The following SLC20A2 variants were observed in gnomAD, a reference collection of about 807,000 sequenced individuals.
SLC20A2 encodes sodium-dependent phosphate transporter 2.
SLC20A2 carries 30 observed loss-of-function variants against 61.0 expected under a neutral mutation model. The observed-to-expected ratio is 0.49, with a 90% CI of 0.37 to 0.67. The LOEUF is 0.67. Ranked by LOEUF, SLC20A2 falls within the 30% of genes least tolerant of loss-of-function variation. SLC20A2 has a pLI of 0.00. For missense variants in SLC20A2, 626 were observed against 866.4 expected (o/e 0.72, Z 3.48); for synonymous variants, 351 against 353.3 (o/e 0.99, Z 0.07).
intron 10 of SLC20A2, chr8:42,419,570 T>A (rs959366136): frequency 4.3e-6 from 1 of 230,326 alleles, no homozygotes; most frequent in Non-Finnish European, 7.2e-6. Context: ...AAATAAAAAA[T>A]AAATAAAATA....
At chr8:42,449,682 G>A (rs1159030431) in intron 5 of SLC20A2, among the ~76,000 whole-genome samples, 3 of 152,024 alleles carry the variant, frequency 2.0e-5, no homozygotes, top group Non-Finnish European at 4.4e-5. Flanking sequence ...AATAATCCAT[G>A]CTTATCGTAA....
chr8:42,454,829 T>C (rs79247758), intron 5 of SLC20A2, among the ~76,000 whole-genome samples: 10,263 of 152,096 alleles, frequency 0.067, 1,111 homozygotes, highest in African/African-American at 0.23. Context: ...CTCAGCCTTC[T>C]TAAGTGCTGG....
At chr8:42,484,667 C>A in intron 1 of SLC20A2, 1 of 365,100 alleles carries the variant, frequency 2.7e-6, no homozygotes, top group South Asian at 2.7e-5. Context: ...ATGGTGTCCC[C>A]TGACAGATCC....
intron 5 of SLC20A2, among the ~76,000 whole-genome samples, chr8:42,449,545 A>G (rs1448173430): frequency 1.3e-5 from 2 of 152,212 alleles, no homozygotes; most frequent in Non-Finnish European, 2.9e-5. Context: ...GGATCTATAA[A>G]CAAATAAAAC....
At chr8:42,459,252 A>AC (rs1806505595) in intron 5 of SLC20A2, among the ~76,000 whole-genome samples, 1 of 151,282 alleles carries the variant, frequency 6.6e-6, no homozygotes. Flanking sequence ...AAAAAAAAAA[A>AC]AAAAAAACAT....
At chr8:42,452,738 G>A (rs1056789796) in intron 5 of SLC20A2, among the ~76,000 whole-genome samples, 1 of 151,862 alleles carries the variant, frequency 6.6e-6, no homozygotes, top group Non-Finnish European at 1.5e-5. Flanking sequence ...GGGGGAGGAG[G>A]CCGCAGGAGG....
At chr8:42,495,864 C>T (rs1476499123) in intron 1 of SLC20A2, among the ~76,000 whole-genome samples, 1 of 152,080 alleles carries the variant, frequency 6.6e-6, no homozygotes, top group Non-Finnish European at 1.5e-5. Flanking sequence ...ATTCTCCTGC[C>T]TCAGCCTCCC....
intron 7 of SLC20A2, among the ~76,000 whole-genome samples, chr8:42,438,084 A>C (rs1472896298): frequency 6.0e-5 from 9 of 150,344 alleles, no homozygotes; most frequent in Admixed American, 2.0e-4. Context: ...AAAAAAAAAA[A>C]AAAAACATGG....
chr8:42,417,407 C>T lies in SLC20A2; in HGVS notation c.*396G>A, dbSNP rs554905879. ...CAATCTACACTTTCCTTTTAGAAGG[C>T]TTAACATTTGCCATCGAAATAGTTA... On this transcript the variant is annotated 3_prime_UTR_variant, in exon 11 of 11. Transcript: ENST00000520262. 2 of 159,220 alleles carry T rather than the reference C, an allele frequency of 1.3e-5. No homozygotes were observed. The highest frequency in any genetic ancestry group is 3.5e-4 in the East Asian group (2 of 5,792). The allele number at this position is 159,220 out of a possible 1,614,324, so 9.9% of individuals were successfully genotyped here.
chr8:42,489,479 C>T (rs1246604974), intron 1 of SLC20A2, among the ~76,000 whole-genome samples: 3 of 124,818 alleles, frequency 2.4e-5, no homozygotes, highest in Non-Finnish European at 4.8e-5. Context: ...AGTTTCTTTA[C>T]ATGTCTTATA....
At chr8:42,486,889 C>CA (rs1411754965) in intron 1 of SLC20A2, among the ~76,000 whole-genome samples, 1 of 151,842 alleles carries the variant, frequency 6.6e-6, no homozygotes, top group Non-Finnish European at 1.5e-5. Context: ...TTTTTTGAGA[C>CA]AGAGTCTCGC....
chr8:42,460,581 T>G (rs1357054782), intron 4 of SLC20A2, among the ~76,000 whole-genome samples: 1 of 152,252 alleles, frequency 6.6e-6, no homozygotes, highest in African/African-American at 2.4e-5. Context: ...CTTCGACTAT[T>G]AGAAGTTAAA....
At chr8:42,427,960 C>A (rs778215951) in intron 10 of SLC20A2, among the ~76,000 whole-genome samples, 3 of 152,154 alleles carry the variant, frequency 2.0e-5, no homozygotes, top group African/African-American at 7.2e-5. Context: ...AAGTGACTTT[C>A]GCTTTGTTGA....
Position 42,435,786 on chromosome 8 carries a change from C to T in SLC20A2, c.1523+1203G>A, listed in dbSNP as rs531250664. 4.6e-5 allele frequency among the ~76,000 whole-genome samples: 7 copies of T among 152,244 alleles called. No homozygotes were observed. The South Asian group carries it at 8.3e-4, about 18-fold the overall frequency. On this transcript the variant is annotated intron_variant, in intron 8 of 10. Transcript: ENST00000520262. ...GTGCAGTGGGGAGAACTAGGGCCCA[C>T]GAGTGGGACGGAGCCTTCTCACTGG... is the stretch of plus-strand genomic sequence containing the variant.
Position 42,463,082 on chromosome 8 carries a change from A to G in SLC20A2, c.439T>C (p.Trp147Arg). The part of the protein sequence containing the change: ...WMELVKIVAS[W>R]FISPLLSGFM... Reference sequence around the variant, plus strand: ...CCAGACAACAGTGGAGATATAAACCAAGAAGCAACTGAATAATTAAAAAAA... The same window carrying G: ...CCAGACAACAGTGGAGATATAAACCGAGAAGCAACTGAATAATTAAAAAAA... The change falls in exon 4 of 11, where the codon TGG (tryptophan) becomes CGG (arginine). Residue 147 changes from tryptophan to arginine, a missense_variant. Physicochemically the swap from Trp to Arg is moderately radical, Grantham distance 101 (BLOSUM62 -3). This residue lies in a region of SLC20A2 where 127 missense variants were observed against 215.4 expected (regional missense o/e 0.59). Coordinates refer to ENST00000520262, the MANE Select transcript of SLC20A2 (RefSeq NM_001257180.2). 1 of 1,581,054 alleles carries G rather than the reference A, an allele frequency of 6.3e-7. No individual in the cohort carries two copies.
chr8:42,512,402 G>A (rs1411814374), intron 1 of SLC20A2, among the ~76,000 whole-genome samples: 2 of 150,656 alleles, frequency 1.3e-5, no homozygotes, highest in African/African-American at 4.9e-5. Context: ...CCAGGCTGGA[G>A]TGCAGTGGCG....
At chr8:42,480,543 T>C (rs1167691741) in intron 1 of SLC20A2, 1 of 152,254 alleles carries the variant, frequency 6.6e-6, no homozygotes, top group Non-Finnish European at 1.5e-5. Flanking sequence ...ACACATTCTG[T>C]ATTCCTTTAT....
intron 1 of SLC20A2, among the ~76,000 whole-genome samples, chr8:42,495,023 ATT>A (rs35040110): frequency 3.6e-5 from 5 of 139,820 alleles, no homozygotes; most frequent in African/African-American, 5.2e-5. Context: ...ATTTTTTTGT[ATT>A]TTTTTTTTTT....
chr8:42,452,163 G>GAA (rs1805764751), intron 5 of SLC20A2, among the ~76,000 whole-genome samples: 28 of 137,722 alleles, frequency 2.0e-4, no homozygotes, highest in African/African-American at 7.7e-4. Context: ...AGGAAGAGAT[G>GAA]GAGGAGGAGG....
Sources: allele counts gnomAD v4.1 joint callset (sites outside exome capture counted in the v4.1 genomes callset), GRCh38; gene constraint gnomAD v4.1.1; regional missense constraint gnomAD v4.1.1; transcripts MANE v1.5; gene names NCBI Gene and HGNC (gene_info 2026-07-23, HGNC 2026-07-21).